Variants in FSCN2 observed in about 807,000 individuals in gnomAD.
FSCN2 encodes the protein fascin actin-bundling protein 2, retinal.
FSCN2 carries 46 observed loss-of-function variants against 37.8 expected under a neutral mutation model. That is an observed-to-expected ratio of 1.22 (90% confidence interval 0.96 to 1.56). The LOEUF is 1.56. FSCN2 is among the 40% of genes most tolerant of loss of function. FSCN2 has a pLI of 0.00. For synonymous variants in FSCN2, 351 were observed against 309.4 expected (o/e 1.13, Z -1.41); for missense variants, 844 against 730.4 (o/e 1.16, Z -1.79).
chr17:81,528,514 G>A lies in FSCN2; in HGVS notation c.-18G>A, dbSNP rs782108628. ...AGGGCGCATCCCAGGCCCCTCCGGG[G>A]ACCCGGCCAGCCTGAAGATGCCGAC... On this transcript the variant is annotated 5_prime_UTR_variant, in exon 1 of 5. Coordinates refer to ENST00000417245, the MANE Select transcript of FSCN2 (RefSeq NM_012418.4). 53 of 1,564,538 alleles carry A rather than the reference G, an allele frequency of 3.4e-5. No homozygotes were observed. Among genetic ancestry groups the A allele is most frequent in the Non-Finnish European group, 4.2e-5 (48 of 1,152,820 alleles).
intron 1 of FSCN2, among the ~76,000 whole-genome samples, chr17:81,534,119 G>A (rs1250489809): frequency 2.0e-5 from 3 of 152,220 alleles, no homozygotes; most frequent in Admixed American, 2.0e-4. Flanking sequence ...TCTGATCAGT[G>A]ATGAGTGTGA....
At position 81,528,605 on chromosome 17, in the gene FSCN2, C is replaced by T; in HGVS notation, c.74C>T (p.Thr25Ile). ...GLVNDTDRYL[T>I]AESFGFKVNA... Reference sequence around the variant, plus strand: ...GTCAACGACACTGACCGCTACCTGACAGCTGAGAGCTTCGGCTTCAAGGTC... The same window carrying T: ...GTCAACGACACTGACCGCTACCTGATAGCTGAGAGCTTCGGCTTCAAGGTC... Residue 25 changes from threonine (T) to isoleucine (I), a missense_variant, in exon 1 of 5, where the codon ACA becomes ATA. Thr to Ile is a moderately conservative substitution (Grantham distance 89). Coordinates refer to ENST00000417245, the MANE Select transcript of FSCN2 (RefSeq NM_012418.4). 2 of 1,608,716 alleles carry T rather than the reference C, an allele frequency of 1.2e-6. No individual in the cohort carries two copies. The highest frequency in any genetic ancestry group is 1.7e-6 in the Non-Finnish European group (2 of 1,178,038).
chr17:81,518,156 C>CGCCCT, the FSCN2 span, among the ~76,000 whole-genome samples: 1 of 152,146 alleles, frequency 6.6e-6, no homozygotes, highest in African/African-American at 2.4e-5. Flanking sequence ...ACTCCTTCAG[C>CGCCCT]GCCCTGACCA....
At chr17:81,534,291 ACTCC>A (rs2032782408) in intron 1 of FSCN2, among the ~76,000 whole-genome samples, 1 of 150,972 alleles carries the variant, frequency 6.6e-6, no homozygotes, top group Admixed American at 6.6e-5. Flanking sequence ...TCTGCCCACC[ACTCC>A]CTCCCAGTCC....
chr17:81,520,782 G>A, the FSCN2 span, among the ~76,000 whole-genome samples: 7 of 152,328 alleles, frequency 4.6e-5, no homozygotes, highest in African/African-American at 1.7e-4. Context: ...ACTGCTTCAT[G>A]TCCCTGGTGA....
intron 1 of FSCN2, among the ~76,000 whole-genome samples, chr17:81,531,297 ATGGTGATGG>A (rs2032558368): frequency 2.3e-5 from 1 of 44,386 alleles, no homozygotes; most frequent in East Asian, 7.5e-4. Flanking sequence ...GATGGTGGTG[ATGGTGATGG>A]TGGTGGTGGT....
intron 1 of FSCN2, among the ~76,000 whole-genome samples, chr17:81,532,718 G>GGTGATA (rs1344459649): frequency 6.6e-6 from 1 of 151,610 alleles, no homozygotes; most frequent in Non-Finnish European, 1.5e-5. Flanking sequence ...TGATGGTGGT[G>GGTGATA]GTGATAGTGA....
intron 1 of FSCN2, among the ~76,000 whole-genome samples, chr17:81,531,729 ATGG>A (rs2032625794): frequency 8.8e-6 from 1 of 113,290 alleles, no homozygotes; most frequent in Admixed American, 8.5e-5. Context: ...GGTGATGGTG[ATGG>A]TGATGATGGT....
chr17:81,535,640 TACCATCTCCACCATC>T (rs2032839909), intron 2 of FSCN2, among the ~76,000 whole-genome samples: 1 of 26,924 alleles, frequency 3.7e-5, no homozygotes, highest in African/African-American at 1.4e-4. Context: ...CCATCCCCAT[TACCATCTCCACCATC>T]CCCATCTCCA....
intron 1 of FSCN2, among the ~76,000 whole-genome samples, chr17:81,532,403 A>ATGGTGATGATG (rs2032708457): frequency 5.8e-5 from 3 of 52,034 alleles, no homozygotes; most frequent in Admixed American, 1.8e-4. Context: ...TGGTGATGAT[A>ATGGTGATGATG]GTGATGGTGA....
chr17:81,533,611 T>C (rs2032765106), intron 1 of FSCN2, among the ~76,000 whole-genome samples: 1 of 152,172 alleles, frequency 6.6e-6, no homozygotes, highest in Non-Finnish European at 1.5e-5. Context: ...GTAAGAAAAC[T>C]TCTCCCCTAA....
At chr17:81,524,917 ACACCACACT>A (rs2032303704), upstream of FSCN2, among the ~76,000 whole-genome samples, 1 of 149,542 alleles carries the variant, frequency 6.7e-6, no homozygotes, top group Non-Finnish European at 1.5e-5. Flanking sequence ...ACACACACAC[ACACCACACT>A]CACACACATG....
In FSCN2 at chr17:81,536,058, C is replaced by A. The variant is rs578019403; in HGVS notation, c.984-88C>A. The A allele has an allele frequency of 1.5e-4, 219 of 1,507,374 alleles. 4 individuals carry two copies. In the South Asian group the frequency reaches 2.5e-3, roughly 17 times the overall value. The allele number at this position is 1,507,374 out of a possible 1,614,324, so 93.4% of individuals were successfully genotyped here. A position where few individuals can be genotyped will look rare whatever the true frequency, so the allele number is the denominator to read the frequency against. On this transcript the variant is annotated intron_variant, in intron 2 of 4. Coordinates refer to ENST00000417245, the MANE Select transcript of FSCN2 (RefSeq NM_012418.4). ...CAGTGGAGGGCAGGCTTCTGTCCCACTCCTTGGAACCTGAGGAGGATGGGG... is the reference window on the plus strand; with the variant it reads ...CAGTGGAGGGCAGGCTTCTGTCCCAATCCTTGGAACCTGAGGAGGATGGGG...
chr17:81,532,432 T>C (rs560668559), intron 1 of FSCN2, among the ~76,000 whole-genome samples: 11 of 69,586 alleles, frequency 1.6e-4, no homozygotes, highest in African/African-American at 7.0e-4. Context: ...ATGGTGATGA[T>C]AATGGTGATG....
upstream of FSCN2, among the ~76,000 whole-genome samples, chr17:81,524,097 C>A (rs2032279872): frequency 6.6e-6 from 1 of 152,190 alleles, no homozygotes; most frequent in African/African-American, 2.4e-5. Context: ...GCCCGTCCAC[C>A]AGCACCTCAG....
the FSCN2 span, among the ~76,000 whole-genome samples, chr17:81,519,838 G>A: frequency 1.5e-4 from 23 of 152,358 alleles, no homozygotes; most frequent in Non-Finnish European, 1.3e-4. Flanking sequence ...GGCACCCACA[G>A]AGGACCCCAA....
chr17:81,527,971 A>G (rs1289597235), upstream of FSCN2, among the ~76,000 whole-genome samples: 1 of 151,976 alleles, frequency 6.6e-6, no homozygotes, highest in African/African-American at 2.4e-5. Flanking sequence ...GATCCAGCTG[A>G]GGGCCTGGCG....
upstream of FSCN2, among the ~76,000 whole-genome samples, chr17:81,525,587 T>C (rs571898298): frequency 6.7e-6 from 1 of 149,406 alleles, no homozygotes; most frequent in African/African-American, 2.5e-5. Flanking sequence ...TAGCTGGGTA[T>C]GGTGGCAGGC....
At chr17:81,526,641 A>C (rs1327133034), upstream of FSCN2, among the ~76,000 whole-genome samples, 1 of 152,210 alleles carries the variant, frequency 6.6e-6, no homozygotes. Flanking sequence ...AGTTTTTTAA[A>C]AAGAAGAGCC....
Sources: allele counts gnomAD v4.1 joint callset (sites outside exome capture counted in the v4.1 genomes callset), GRCh38; gene constraint gnomAD v4.1.1; transcripts MANE v1.5; gene names NCBI Gene and HGNC (gene_info 2026-07-23, HGNC 2026-07-21).